The following PDLIM1 variants were observed in gnomAD, a reference collection of about 807,000 sequenced individuals.
The protein encoded by PDLIM1 is PDZ and LIM domain 1, also known as PDZ and LIM domain protein 1.
PDLIM1 carries 25 observed loss-of-function variants against 35.2 expected under a neutral mutation model. The ratio of observed to expected loss-of-function variants is 0.71; its 90% CI spans 0.52 to 0.99. The LOEUF (loss-of-function observed/expected upper bound fraction) is 0.99, where lower values mean the gene tolerates loss of function less well. PDLIM1 is among the 50% of genes least tolerant of loss of function. PDLIM1 has a pLI of 0.00. For synonymous variants in PDLIM1, 152 were observed against 154.0 expected (o/e 0.99, Z 0.10); for missense variants, 363 against 415.3 (o/e 0.87, Z 1.09).
At chr10:95,251,650 C>G (rs12776258) in intron 4 of PDLIM1, among the ~76,000 whole-genome samples, 69,026 of 151,994 alleles carry the variant, frequency 0.45, 16,206 homozygotes, top group Middle Eastern at 0.53. Context: ...GGAATAGAAA[C>G]GGGGATTACG....
intron 1 of PDLIM1, among the ~76,000 whole-genome samples, chr10:95,274,492 T>C (rs2035495120): frequency 6.6e-6 from 1 of 151,900 alleles, no homozygotes; most frequent in Non-Finnish European, 1.5e-5. Flanking sequence ...TGGGGTTTTT[T>C]CACCATGTTG....
intron 3 of PDLIM1, among the ~76,000 whole-genome samples, chr10:95,267,423 A>G (rs1417342343): frequency 6.6e-6 from 1 of 152,236 alleles, no homozygotes; most frequent in Admixed American, 6.5e-5. Context: ...TCCCAAGGAA[A>G]CTGAAACTAA....
chr10:95,272,884 T>C (rs899515873), intron 1 of PDLIM1, among the ~76,000 whole-genome samples: 41 of 152,128 alleles, frequency 2.7e-4, no homozygotes, highest in African/African-American at 9.9e-4. Context: ...AATCAATTAC[T>C]GCAATAGGTC....
At position 95,271,650 on chromosome 10, in the gene PDLIM1, C is replaced by T. The variant is rs2035466006; in HGVS notation, c.231G>A (p.Leu77=). The change falls in exon 2 of 7, where the codon TTG becomes TTA. Residue 77 remains leucine (L), a synonymous_variant. Transcript: ENST00000329399. ...QNRIKGCTDN[L]TLTVARSEHK... is the part of the protein sequence containing the mutation. ...GGCTTCACCTGGCTACAGTGAGAGT[C>T]AAGTTGTCTGTGCAGCCTTTGATTC... 1 of 1,605,140 alleles carries T rather than the reference C, an allele frequency of 6.2e-7. No homozygotes were observed. Among genetic ancestry groups the T allele is most frequent in the African/African-American group, 1.3e-5 (1 of 74,318 alleles).
chr10:95,244,199 C>T (rs1166740345), intron 5 of PDLIM1, among the ~76,000 whole-genome samples: 1 of 152,138 alleles, frequency 6.6e-6, no homozygotes. Context: ...AGGTGAGGAA[C>T]CAAGGGCCCC....
intron 2 of PDLIM1, 31 bp from the exon 3 acceptor site, chr10:95,268,893 C>T (rs374412565): frequency 2.0e-6 from 3 of 1,470,886 alleles, no homozygotes; most frequent in African/African-American, 1.4e-5. Context: ...TGCTGTTTCA[C>T]TCATGTAAAA....
intron 1 of PDLIM1, among the ~76,000 whole-genome samples, chr10:95,284,259 G>C (rs1161898984): frequency 6.6e-6 from 1 of 152,092 alleles, no homozygotes; most frequent in South Asian, 2.1e-4. Context: ...TATGGTATGG[G>C]TATGCTCAGC....
intron 1 of PDLIM1, among the ~76,000 whole-genome samples, chr10:95,276,910 A>AAAC (rs2035516456): frequency 6.7e-6 from 1 of 149,302 alleles, no homozygotes; most frequent in Non-Finnish European, 1.5e-5. Context: ...AAAAAAAAAA[A>AAAC]AAAAAAAAAA....
rs1190651456 is a variant in PDLIM1 at position 95,290,751 on chromosome 10, C to A, written c.96+69G>T. On this transcript the variant is annotated intron_variant, in intron 1 of 6. Transcript: ENST00000329399. The surrounding 1 kb of genome is among the most constrained non-coding windows in gnomAD (Gnocchi z 4.7). The stretch of plus-strand genomic sequence containing the variant: ...CCGACTCCGTCCCCGACCGCGCCCG[C>A]GGGGCCCCAGTCTCCGCATATCACC... 22 of 1,143,970 alleles carry A rather than the reference C, an allele frequency of 1.9e-5. No homozygotes were observed. The East Asian group carries it at 6.6e-4, about 34-fold the overall frequency. 70.9% of individuals were successfully genotyped at this position (1,143,970 alleles called of 1,614,324 possible). A position where few individuals can be genotyped will look rare whatever the true frequency, so the allele number is the denominator to read the frequency against.
rs757689568 is a variant in PDLIM1, at chr10:95,237,918, T to C, written c.*7A>G. Reference sequence around the variant, plus strand: ...CCTGCTGGAGAACAGTGGTCAGATCTGCTGGCTCACTTGGGGAACACAGTG... The same window carrying C: ...CCTGCTGGAGAACAGTGGTCAGATCCGCTGGCTCACTTGGGGAACACAGTG... On this transcript the variant is annotated 3_prime_UTR_variant, in exon 7 of 7. Coordinates refer to ENST00000329399, the MANE Select transcript of PDLIM1 (RefSeq NM_020992.4). 1.9e-6 allele frequency: 3 copies of C among 1,613,134 alleles called. No homozygotes were observed. Among genetic ancestry groups the C allele is most frequent in the East Asian group, 4.5e-5 (2 of 44,870 alleles).
chr10:95,287,027 G>C (rs949379496), intron 1 of PDLIM1, among the ~76,000 whole-genome samples: 5 of 152,196 alleles, frequency 3.3e-5, no homozygotes, highest in African/African-American at 1.2e-4. Flanking sequence ...AAACAAACCA[G>C]CAAGGTTGGC....
rs2035534752 is a variant in PDLIM1 at position 95,278,595 on chromosome 10, A to G, written c.97-6811T>C. Among the ~76,000 whole-genome samples the G allele has an allele frequency of 5.3e-5, 8 of 152,122 alleles. 1 individual carries two copies. The South Asian group carries it at 1.5e-3, about 28-fold the overall frequency. ...AAAGCCACAAAAGGAAAAAAGCAAA[A>G]GGAAAGAGCATGCCAAGTCTCAAAA... is the stretch of plus-strand genomic sequence containing the variant. On this transcript the variant is annotated intron_variant, in intron 1 of 6. Transcript: ENST00000329399.
intron 6 of PDLIM1, among the ~76,000 whole-genome samples, chr10:95,238,320 C>A (rs1311474414): frequency 4.6e-5 from 7 of 151,620 alleles, no homozygotes; most frequent in African/African-American, 1.7e-4. Flanking sequence ...CCAAAAACCC[C>A]TCCTACTTCA....
At chr10:95,266,341 G>C (rs2035417271) in intron 3 of PDLIM1, among the ~76,000 whole-genome samples, 1 of 152,222 alleles carries the variant, frequency 6.6e-6, no homozygotes, top group Non-Finnish European at 1.5e-5. Context: ...CATGAAGACA[G>C]AGATTTACAG....
chr10:95,262,752 T>C (rs942308308), intron 4 of PDLIM1, among the ~76,000 whole-genome samples: 1 of 152,180 alleles, frequency 6.6e-6, no homozygotes, highest in African/African-American at 2.4e-5. Flanking sequence ...TCAAACCCAG[T>C]TCCTTTGCTG....
At chr10:95,258,512 AAAG>A (rs1474425294) in intron 4 of PDLIM1, among the ~76,000 whole-genome samples, 1 of 152,158 alleles carries the variant, frequency 6.6e-6, no homozygotes, top group East Asian at 1.9e-4. Flanking sequence ...AAAAAAAAGA[AAAG>A]AAGAAGGAAA....
chr10:95,247,408 G>A (rs766404896), intron 4 of PDLIM1, 42 bp from the exon 5 acceptor site: 14 of 1,551,132 alleles, frequency 9.0e-6, no homozygotes, highest in Admixed American at 7.6e-5. Flanking sequence ...CATGACAGAA[G>A]TTAAAAATAA....
rs2035150418 is a variant in PDLIM1 at position 95,238,896 on chromosome 10, G to A, written c.686-211C>T. 6.3e-6 allele frequency: 3 copies of A among 473,274 alleles called. No homozygotes were observed. In the South Asian group the frequency reaches 9.6e-5, roughly 15 times the overall value. The allele number at this position is 473,274 out of a possible 1,614,324, so 29.3% of individuals were successfully genotyped here. A position where few individuals can be genotyped will look rare whatever the true frequency, so the allele number is the denominator to read the frequency against. The stretch of plus-strand genomic sequence containing the variant: ...GAGATTAACACCTGGCCAAAGAAAA[G>A]CCCAAAAAGCCAAGACAATCCTAAG... On this transcript the variant is annotated intron_variant, in intron 5 of 6. Coordinates refer to ENST00000329399, the MANE Select transcript of PDLIM1 (RefSeq NM_020992.4).
Position 95,264,041 on chromosome 10 carries a change from G to A in PDLIM1, c.356C>T (p.Ala119Val), listed in dbSNP as rs1386024323. The change falls in exon 4 of 7, where the codon GCC becomes GTC. Residue 119 changes from alanine (A) to valine (V), a missense_variant. Coordinates refer to ENST00000329399, the MANE Select transcript of PDLIM1 (RefSeq NM_020992.4). Reference protein sequence around the residue: ...EPQEVLHIGSAHNRSAMPFTA... With the variant: ...EPQEVLHIGSVHNRSAMPFTA... The stretch of plus-strand genomic sequence containing the variant: ...AAAGGGCATGGCACTTCGGTTGTGG[G>A]CGCTTCCTATGTGCAGGACCTCCTG... The A allele has an allele frequency of 2.5e-6, 4 of 1,613,552 alleles. No individual in the cohort carries two copies. The highest frequency in any genetic ancestry group is 3.4e-6 in the Non-Finnish European group (4 of 1,179,848).
Sources: gnomAD v4.1 joint callset for allele counts (sites outside exome capture counted in the v4.1 genomes callset) on GRCh38, gnomAD v4.1.1 for gene constraint, Gnocchi (gnomAD v3.1) non-coding constraint, MANE v1.5 for transcripts, NCBI Gene and HGNC (gene_info 2026-07-23, HGNC 2026-07-21) for gene names.